CDH20: variants seen among roughly 807,000 people sequenced by gnomAD.
CDH20 encodes cadherin 20, also known as cadherin-20.
In CDH20, 29 loss-of-function variants were observed where a neutral mutation model predicts 74.2. That is an observed-to-expected ratio of 0.39 (90% confidence interval 0.29 to 0.53). The LOEUF is 0.53. CDH20 is among the 20% of genes least tolerant of loss of function. The pLI is 0.69. For missense variants in CDH20, 988 were observed against 1,048.3 expected, an observed-to-expected ratio of 0.94 and a Z score of 0.79; for synonymous variants, 469 against 405.4, an observed-to-expected ratio of 1.16 and a Z score of -1.88.
chr18:61,341,146 T>A (rs1327787398), intron 1 of CDH20, among the ~76,000 whole-genome samples: 2 of 152,214 alleles, frequency 1.3e-5, no homozygotes, highest in African/African-American at 2.4e-5. Context: ...TATGTTTTAC[T>A]CTGTCCAGGC....
At chr18:61,402,014 G>T (rs1208047236) in intron 1 of CDH20, among the ~76,000 whole-genome samples, 1 of 152,206 alleles carries the variant, frequency 6.6e-6, no homozygotes, top group Non-Finnish European at 1.5e-5. Flanking sequence ...ATTGACCAAA[G>T]GTTGGTTTGT....
At chr18:61,341,427 C>G (rs58807713) in intron 1 of CDH20, among the ~76,000 whole-genome samples, 37,566 of 151,276 alleles carry the variant, frequency 0.25, 4,932 homozygotes, top group East Asian at 0.46. Context: ...CTTGAGCCCC[C>G]CCCCCGCCTA....
At chr18:61,474,691 G>C (rs1469704323) in intron 1 of CDH20, among the ~76,000 whole-genome samples, 1 of 152,146 alleles carries the variant, frequency 6.6e-6, no homozygotes, top group African/African-American at 2.4e-5. Context: ...CCGACACCAT[G>C]CTAATGCTGA....
At chr18:61,528,293 T>C (rs1296133294) in intron 7 of CDH20, 73 bp downstream of exon 7, 2 of 1,479,170 alleles carry the variant, frequency 1.4e-6, no homozygotes, top group Admixed American at 1.9e-5. Context: ...TTTCTAGCAC[T>C]TTTCCCTTTG....
chr18:61,452,629 T>C (rs1390201875), intron 1 of CDH20, among the ~76,000 whole-genome samples: 1 of 152,184 alleles, frequency 6.6e-6, no homozygotes, highest in Non-Finnish European at 1.5e-5. Flanking sequence ...TCTAATATGT[T>C]TTTTATACCG....
At chr18:61,469,140 T>A (rs1176157348) in intron 1 of CDH20, among the ~76,000 whole-genome samples, 1 of 152,176 alleles carries the variant, frequency 6.6e-6, no homozygotes, top group Non-Finnish European at 1.5e-5. Context: ...CAGAATTCAA[T>A]TTTCAAAAGG....
chr18:61,412,806 G>T (rs1384587356), intron 1 of CDH20, among the ~76,000 whole-genome samples: 2 of 152,048 alleles, frequency 1.3e-5, no homozygotes, highest in African/African-American at 4.8e-5. Context: ...TTAGAATGAG[G>T]CTATCATAGC....
At chr18:61,357,948 C>T (rs1372493491) in intron 1 of CDH20, among the ~76,000 whole-genome samples, 1 of 152,094 alleles carries the variant, frequency 6.6e-6, no homozygotes, top group African/African-American at 2.4e-5. Context: ...GCTGTTCCCT[C>T]TGCCTAGACT....
chr18:61,418,479 G>A (rs998022480), intron 1 of CDH20, among the ~76,000 whole-genome samples: 5 of 150,474 alleles, frequency 3.3e-5, no homozygotes, highest in African/African-American at 7.3e-5. Flanking sequence ...GCATGAACCC[G>A]GGAGGCGGAG....
chr18:61,358,302 A>G (rs1482767417), intron 1 of CDH20, among the ~76,000 whole-genome samples: 3 of 149,474 alleles, frequency 2.0e-5, no homozygotes, highest in East Asian at 3.9e-4. Flanking sequence ...TTTTTTTTTT[A>G]GTAGAGACGG....
intron 6 of CDH20, among the ~76,000 whole-genome samples, chr18:61,526,449 T>C (rs1265900960): frequency 6.6e-6 from 1 of 152,210 alleles, no homozygotes; most frequent in East Asian, 1.9e-4. Flanking sequence ...CCATTCAACA[T>C]ATTTTATGAA....
At chr18:61,469,060 G>A (rs918050673) in intron 1 of CDH20, among the ~76,000 whole-genome samples, 23 of 152,022 alleles carry the variant, frequency 1.5e-4, no homozygotes, top group Non-Finnish European at 2.9e-5. Context: ...TATGCAAATT[G>A]TTTATGACAT....
At chr18:61,337,402 C>G (rs1909794067) in intron 1 of CDH20, among the ~76,000 whole-genome samples, 3 of 152,180 alleles carry the variant, frequency 2.0e-5, no homozygotes, top group African/African-American at 7.2e-5. Context: ...TCCATGTCAA[C>G]TCAATCAACA....
chr18:61,382,243 A>C (rs1911455990), intron 1 of CDH20, among the ~76,000 whole-genome samples: 1 of 152,194 alleles, frequency 6.6e-6, no homozygotes, highest in African/African-American at 2.4e-5. Context: ...TTCCTCCTTA[A>C]GTCTACACTT....
intron 1 of CDH20, among the ~76,000 whole-genome samples, chr18:61,453,521 C>T (rs547772861): frequency 7.9e-5 from 12 of 152,294 alleles, no homozygotes; most frequent in Admixed American, 2.6e-4. Context: ...CCTCGTGATC[C>T]GCCTGCCTCA....
At chr18:61,458,703 A>G (rs1286647807) in intron 1 of CDH20, among the ~76,000 whole-genome samples, 1 of 152,250 alleles carries the variant, frequency 6.6e-6, no homozygotes, top group African/African-American at 2.4e-5. Context: ...GCACATAAGC[A>G]TCTGAAAGCA....
chr18:61,358,535 A>G lies in CDH20; in HGVS notation c.-153+24708A>G, dbSNP rs188390703. Among the ~76,000 whole-genome samples the G allele has an allele frequency of 1.9e-3, 294 of 152,004 alleles. 2 individuals carry two copies. The highest frequency in any genetic ancestry group is 6.6e-3 in the African/African-American group (273 of 41,446). On this transcript the variant is annotated intron_variant, in intron 1 of 11. Coordinates refer to ENST00000262717, the MANE Select transcript of CDH20 (RefSeq NM_031891.4). ...ATACGTAATGGTGTGGGCTCCCTGTATTTTGTCTGCTACATACAGTGCCTG... is the reference window on the plus strand; with the variant it reads ...ATACGTAATGGTGTGGGCTCCCTGTGTTTTGTCTGCTACATACAGTGCCTG...
chr18:61,455,731 A>C (rs1909551630), intron 1 of CDH20, among the ~76,000 whole-genome samples: 1 of 152,196 alleles, frequency 6.6e-6, no homozygotes, highest in South Asian at 2.1e-4. Flanking sequence ...AGATTCTACA[A>C]GTTTAAAATT....
rs550908256 is a variant in CDH20 at position 61,551,400 on chromosome 18, C to T, written c.1900+1171C>T. On this transcript the variant is annotated intron_variant, in intron 11 of 11. Transcript: ENST00000262717. ...AGAGGTACAGATATTCACATACACC[C>T]TTGATCCCAAGTTCACCTCTATACC... Among the ~76,000 whole-genome samples, 4 of 152,298 alleles carry T rather than the reference C, an allele frequency of 2.6e-5. No individual in the cohort carries two copies. In the South Asian group the frequency reaches 8.3e-4, roughly 32 times the overall value.
Sources: gnomAD v4.1 joint callset for allele counts (sites outside exome capture counted in the v4.1 genomes callset) on GRCh38, gnomAD v4.1.1 for gene constraint, MANE v1.5 for transcripts, NCBI Gene and HGNC (gene_info 2026-07-23, HGNC 2026-07-21) for gene names.